MYL2: variants seen among roughly 807,000 people sequenced by gnomAD.
The protein encoded by MYL2 is myosin regulatory light chain 2, ventricular/cardiac muscle isoform.
MYL2 carries 19 observed loss-of-function variants against 23.0 expected under a neutral mutation model. That is an observed-to-expected ratio of 0.83 (90% CI 0.58 to 1.21). The LOEUF is 1.21. MYL2 is among the 50% of genes most tolerant of loss of function. MYL2 has a pLI of 0.00. For missense variants in MYL2, 180 were observed against 215.1 expected (o/e 0.84, Z 1.02); for synonymous variants, 78 against 76.2 (o/e 1.02, Z -0.13).
At chr12:110,911,239 GCTGTGGGCGGGGCCTGAGTGGACGGATA>G in intron 6 of MYL2, 64 bp from the exon 7 acceptor site, 1 of 502,558 alleles carries the variant, frequency 2.0e-6, no homozygotes, top group Non-Finnish European at 3.7e-6. Context: ...AGGGTGGGGG[GCTGTGGGCGGGGCCTGAGTGGACGGATA>G]GCTGGGGGGT....
intron 6 of MYL2, 131 bp downstream of exon 6, chr12:110,912,965 G>A: frequency 9.7e-7 from 1 of 1,035,638 alleles, no homozygotes; most frequent in South Asian, 1.3e-5. Context: ...ATGAGGCCAG[G>A]CCTCAGAAGA....
rs750730703 is a variant in MYL2 at position 110,919,201 on chromosome 12, A to G, written c.4-8T>C. 6.2e-6 allele frequency: 10 copies of G among 1,611,124 alleles called. No individual in the cohort carries two copies. Among genetic ancestry groups the G allele is most frequent in the Non-Finnish European group, 7.6e-6 (9 of 1,178,428 alleles). ...CTTTGCTTTCTTAGGTGCCTGGGGG[A>G]AAAAAGCATCGATTAAAAGAGTGAG... On this transcript the variant is annotated splice_region_variant and splice_polypyrimidine_tract_variant and intron_variant, in intron 1 of 6. Coordinates refer to ENST00000228841, the MANE Select transcript of MYL2 (RefSeq NM_000432.4).
chr12:110,915,670 G>T, intron 3 of MYL2, 45 bp downstream of exon 3: 1 of 1,573,354 alleles, frequency 6.4e-7, no homozygotes, highest in Non-Finnish European at 8.7e-7. Flanking sequence ...CCTCATGGAT[G>T]TGAGATAAAG....
intron 6 of MYL2, among the ~76,000 whole-genome samples, 155 bp from the exon 7 acceptor site, chr12:110,911,330 A>T (rs2071651810): frequency 6.6e-6 from 1 of 152,066 alleles, no homozygotes; most frequent in Non-Finnish European, 1.5e-5. Context: ...GGACTTCCCC[A>T]GCTGCTGCAG....
At chr12:110,913,499 G>C (rs2071668350) in intron 4 of MYL2, among the ~76,000 whole-genome samples, 175 bp from the exon 5 acceptor site, 1 of 152,176 alleles carries the variant, frequency 6.6e-6, no homozygotes, top group Non-Finnish European at 1.5e-5. Context: ...CGAAGAGAGG[G>C]CTGAGAACCC....
rs1339155646 is a variant in MYL2 at position 110,911,136 on chromosome 12, C to T, written c.442G>A (p.Gly148Ser). The T allele has an allele frequency of 6.2e-7, 1 of 1,613,260 alleles. No individual in the cohort carries two copies. The highest frequency in any genetic ancestry group is 1.3e-5 in the African/African-American group (1 of 74,676). ...MFAAFPPDVT[G>S]NLDYKNLVHI... ...ACCAGGTTCTTGTAGTCCAAGTTGCCAGTCACGTCAGGGGGGAAGGCGGCG... is the reference window on the plus strand; with the variant it reads ...ACCAGGTTCTTGTAGTCCAAGTTGCTAGTCACGTCAGGGGGGAAGGCGGCG... Residue 148 changes from glycine to serine, a missense_variant, in exon 7 of 7, where the codon GGC becomes AGC. Coordinates refer to ENST00000228841, the MANE Select transcript of MYL2 (RefSeq NM_000432.4).
intron 5 of MYL2, 46 bp downstream of exon 5, chr12:110,913,200 G>A (rs776264921): frequency 1.3e-6 from 2 of 1,580,870 alleles, no homozygotes; most frequent in African/African-American, 1.7e-5. Flanking sequence ...AGGGGGGACA[G>A]GGGGCAAGCA....
rs727504425 is a variant in MYL2, at chr12:110,915,721, C to A, written c.163G>T (p.Ala55Ser). 1.9e-6 allele frequency: 3 copies of A among 1,613,962 alleles called. No homozygotes were observed. Among genetic ancestry groups the A allele is most frequent in the African/African-American group, 2.7e-5 (2 of 74,922 alleles). ...DKNDLRDTFA[A>S]LGRVNVKNEE... The stretch of plus-strand genomic sequence containing the variant: ...GCTAGAGAGGGTGACATACCAAGGG[C>A]AGCAAAGGTGTCTCTCAGATCGTTC... Residue 55 changes from alanine to serine, a missense_variant, in exon 3 of 7, where the codon GCC (alanine) becomes TCC (serine). Ala to Ser is a moderately conservative substitution (Grantham distance 99, BLOSUM62 1). Transcript: ENST00000228841.
rs1229927043 is a variant in MYL2, at chr12:110,918,469, T to C, written c.93+635A>G. 1.3e-5 allele frequency among the ~76,000 whole-genome samples: 2 copies of C among 152,110 alleles called. No homozygotes were observed. Among genetic ancestry groups the C allele is most frequent in the Non-Finnish European group, 2.9e-5 (2 of 68,006 alleles). On this transcript the variant is annotated intron_variant, in intron 2 of 6. Transcript: ENST00000228841. This position sits in a 1 kb window ranked among gnomAD's most constrained non-coding sequence, Gnocchi z 4.4. ...GGGCATAGGAATTAGTGCTGTGATTTTGGGGGGCAATTCGGACCAGCAGTT... is the reference window on the plus strand; with the variant it reads ...GGGCATAGGAATTAGTGCTGTGATTCTGGGGGGCAATTCGGACCAGCAGTT...
intron 4 of MYL2, among the ~76,000 whole-genome samples, chr12:110,913,712 TA>T (rs1477124763): frequency 6.6e-6 from 1 of 152,160 alleles, no homozygotes; most frequent in African/African-American, 2.4e-5. Flanking sequence ...AGGTCTGACT[TA>T]GGTTAAGTCT....
rs752456288 is a variant in MYL2, at chr12:110,914,257, T to C, written c.203A>G (p.Glu68Gly). The C allele has an allele frequency of 7.4e-6, 12 of 1,613,904 alleles. No homozygotes were observed. Among genetic ancestry groups the C allele is most frequent in the Non-Finnish European group, 1.0e-5 (12 of 1,179,984 alleles). The change falls in exon 4 of 7, where the codon GAA (glutamate) becomes GGA (glycine). Residue 68 changes from glutamate (E) to glycine (G), a missense_variant. By Grantham distance (98) the Glu-to-Gly change is moderately conservative. Transcript: ENST00000228841. ...TGGACCCGGAGCCTCCTTGATCATTTCATCAATTTCTTCATTTTTCACGTT... is the reference window on the plus strand; with the variant it reads ...TGGACCCGGAGCCTCCTTGATCATTCCATCAATTTCTTCATTTTTCACGTT... ...RVNVKNEEID[E>G]MIKEAPGPIN... is the part of the protein sequence containing the mutation.
intron 2 of MYL2, 22 bp downstream of exon 2, chr12:110,919,082 A>G (rs1041603211): frequency 6.2e-7 from 1 of 1,609,000 alleles, no homozygotes; most frequent in African/African-American, 1.3e-5. Flanking sequence ...ATCCAGGCGG[A>G]TGATTCAATA....
chr12:110,914,454 G>C lies in MYL2; in HGVS notation c.170-164C>G. ...CTTTTCTGAGAAGATGTTCTTGACA[G>C]TGTTATTTATAATAACCAAATGACT... On this transcript the variant is annotated intron_variant, in intron 3 of 6. Coordinates refer to ENST00000228841, the MANE Select transcript of MYL2 (RefSeq NM_000432.4). The C allele has an allele frequency of 6.1e-6, 4 of 657,284 alleles. 1 individual carries two copies. The South Asian group carries it at 6.3e-5, about 10-fold the overall frequency. The allele number at this position is 657,284 out of a possible 1,614,324, so 40.7% of individuals were successfully genotyped here.
intron 1 of MYL2, among the ~76,000 whole-genome samples, chr12:110,919,744 A>C (rs1173404228): frequency 6.6e-6 from 1 of 152,150 alleles, no homozygotes; most frequent in Non-Finnish European, 1.5e-5. Flanking sequence ...GCACCACATC[A>C]ATAGGGCAGA....
chr12:110,920,812 C>G (rs1341239243), upstream of MYL2: 1 of 577,106 alleles, frequency 1.7e-6, no homozygotes, highest in Non-Finnish European at 3.1e-6. Flanking sequence ...AGAGATGCTG[C>G]GCGCTCTCTG....
intron 2 of MYL2, among the ~76,000 whole-genome samples, chr12:110,917,706 C>T (rs2071696331): frequency 6.6e-6 from 1 of 152,162 alleles, no homozygotes; most frequent in African/African-American, 2.4e-5. Flanking sequence ...ACACGGCATT[C>T]CTGCAATCTG....
chr12:110,917,602 T>G (rs1289899369), intron 2 of MYL2, among the ~76,000 whole-genome samples: 1 of 152,206 alleles, frequency 6.6e-6, no homozygotes, highest in Non-Finnish European at 1.5e-5. Context: ...TGCCAGAGGC[T>G]GGGAAAAGAG....
At chr12:110,920,749 C>T (rs1264052477), upstream of MYL2, 1 of 639,058 alleles carries the variant, frequency 1.6e-6, no homozygotes, top group Non-Finnish European at 2.8e-6. Context: ...CACGTGAGCC[C>T]CCAAAAAGGC....
chr12:110,918,861 G>C lies in MYL2; in HGVS notation c.93+243C>G. On this transcript the variant is annotated intron_variant, in intron 2 of 6. Coordinates refer to ENST00000228841, the MANE Select transcript of MYL2 (RefSeq NM_000432.4). This position sits in a 1 kb window ranked among gnomAD's most constrained non-coding sequence, Gnocchi z 4.4. ...GTAGGTAGTTTTTATTTCCTTTTCT[G>C]TGCTTTTCTGAAAAATTTTCCAACA... 2 of 526,578 alleles carry C rather than the reference G, an allele frequency of 3.8e-6. No homozygotes were observed. The highest frequency in any genetic ancestry group is 3.4e-6 in the Non-Finnish European group (1 of 294,620). The allele number at this position is 526,578 out of a possible 1,614,324, so 32.6% of individuals were successfully genotyped here. A position where few individuals can be genotyped will look rare whatever the true frequency, so the allele number is the denominator to read the frequency against.
Sources: gnomAD v4.1 joint callset for allele counts (sites outside exome capture counted in the v4.1 genomes callset) on GRCh38, gnomAD v4.1.1 for gene constraint, Gnocchi (gnomAD v3.1) non-coding constraint, MANE v1.5 for transcripts, NCBI Gene and HGNC (gene_info 2026-07-23, HGNC 2026-07-21) for gene names.